Variants in OSBPL8 observed in about 807,000 individuals in gnomAD.
OSBPL8 encodes oxysterol binding protein like 8, also known as oxysterol-binding protein-related protein 8.
Under a neutral mutation model 125.5 loss-of-function variants are expected in OSBPL8, and 59 were observed. The ratio of observed to expected loss-of-function variants is 0.47; its 90% CI spans 0.38 to 0.58. OSBPL8 has a LOEUF of 0.58. Among genes scored for constraint, OSBPL8 ranks in the 20% least tolerant of loss-of-function variants. The pLI, the probability that OSBPL8 is intolerant of heterozygous loss-of-function variation, is 0.00. For missense variants in OSBPL8, 758 were observed against 1,047.8 expected, an observed-to-expected ratio of 0.72 and a Z score of 3.82; for synonymous variants, 330 against 338.9, an observed-to-expected ratio of 0.97 and a Z score of 0.29.
chr12:76,374,839 C>T (rs1339916796), intron 17 of OSBPL8, among the ~76,000 whole-genome samples: 1 of 152,100 alleles, frequency 6.6e-6, no homozygotes, highest in Non-Finnish European at 1.5e-5. Context: ...GTTATTAAGT[C>T]TGTGAGTTTT....
At chr12:76,523,267 G>A (rs1950073292) in intron 1 of OSBPL8, among the ~76,000 whole-genome samples, 2 of 152,106 alleles carry the variant, frequency 1.3e-5, no homozygotes, top group South Asian at 4.2e-4. Flanking sequence ...AAGGAGAGTA[G>A]GGAAGGAAAG....
intron 4 of OSBPL8, among the ~76,000 whole-genome samples, chr12:76,415,615 A>G (rs1299280454): frequency 6.6e-6 from 1 of 152,164 alleles, no homozygotes; most frequent in African/African-American, 2.4e-5. Flanking sequence ...TTTAAGAACA[A>G]TTTCAGTAAA....
intron 1 of OSBPL8, among the ~76,000 whole-genome samples, chr12:76,539,290 C>A (rs1049264114): frequency 6.6e-6 from 1 of 151,942 alleles, no homozygotes; most frequent in Middle Eastern, 3.2e-3. Flanking sequence ...TTTAATAAAA[C>A]CCTATGCAGA....
chr12:76,483,433 G>A lies in OSBPL8; in HGVS notation c.42+4077C>T, dbSNP rs1047058695. On this transcript the variant is annotated intron_variant, in intron 2 of 23. Transcript: ENST00000261183. ...AAAAAAATTAGCCTGGTGTGGTGGC[G>A]TGCACCTGTAATCCCAGCTACTCGG... is the stretch of plus-strand genomic sequence containing the variant. Among the ~76,000 whole-genome samples the A allele has an allele frequency of 8.6e-5, 13 of 150,882 alleles. 1 individual carries two copies. The highest frequency in any genetic ancestry group is 3.0e-5 in the Non-Finnish European group (2 of 67,764).
chr12:76,538,628 A>AT (rs906890828), intron 1 of OSBPL8, among the ~76,000 whole-genome samples: 1 of 152,192 alleles, frequency 6.6e-6, no homozygotes, highest in African/African-American at 2.4e-5. Flanking sequence ...AAGGTAAGAA[A>AT]TTTGTCTATG....
rs188259056 is a variant in OSBPL8, at chr12:76,436,403, T to C, written c.217+14448A>G. Among the ~76,000 whole-genome samples the C allele has an allele frequency of 8.5e-3, 1,289 of 152,172 alleles. 18 individuals carry two copies. The highest frequency in any genetic ancestry group is 0.029 in the African/African-American group (1,205 of 41,536). ...TTAGCATGTACCCACAATCCTCTCA[T>C]ATGGTAAATAACATAAACCAGTGGT... On this transcript the variant is annotated intron_variant, in intron 4 of 23. Coordinates refer to ENST00000261183, the MANE Select transcript of OSBPL8 (RefSeq NM_020841.5).
At chr12:76,485,382 A>G (rs1040364469) in intron 2 of OSBPL8, among the ~76,000 whole-genome samples, 1 of 151,982 alleles carries the variant, frequency 6.6e-6, no homozygotes, top group African/African-American at 2.4e-5. Flanking sequence ...GACCATCCTG[A>G]CCAACATGGA....
intron 3 of OSBPL8, among the ~76,000 whole-genome samples, chr12:76,454,378 T>C (rs1873763309): frequency 1.3e-5 from 2 of 152,120 alleles, no homozygotes; most frequent in South Asian, 2.1e-4. Context: ...AACGACATGA[T>C]TGAATATTAA....
At chr12:76,383,647 GTTC>G (rs766733186) in intron 15 of OSBPL8, among the ~76,000 whole-genome samples, 3 of 151,740 alleles carry the variant, frequency 2.0e-5, no homozygotes, top group East Asian at 3.9e-4. Context: ...AAATTTAATT[GTTC>G]TTCTTCATTT....
chr12:76,475,092 A>G (rs1202971829), intron 2 of OSBPL8, among the ~76,000 whole-genome samples: 1 of 152,038 alleles, frequency 6.6e-6, no homozygotes, highest in Non-Finnish European at 1.5e-5. Context: ...AATCCTTCAC[A>G]TTTCTTTCTG....
chr12:76,440,136 C>T (rs1297801490), intron 4 of OSBPL8, among the ~76,000 whole-genome samples: 2 of 152,054 alleles, frequency 1.3e-5, no homozygotes, highest in Non-Finnish European at 2.9e-5. Flanking sequence ...TGTTGTCTTT[C>T]AAGAATTCTG....
chr12:76,462,952 A>C (rs1275661715), intron 2 of OSBPL8, among the ~76,000 whole-genome samples: 2 of 152,172 alleles, frequency 1.3e-5, no homozygotes, highest in East Asian at 3.9e-4. Flanking sequence ...CAGAGGGGTA[A>C]ACAGATGTCA....
chr12:76,419,295 C>A (rs1044680767), intron 4 of OSBPL8, among the ~76,000 whole-genome samples: 1 of 152,098 alleles, frequency 6.6e-6, no homozygotes, highest in Admixed American at 6.6e-5. Flanking sequence ...TTATAGTGTA[C>A]CTACCTGTTA....
intron 3 of OSBPL8, among the ~76,000 whole-genome samples, chr12:76,457,633 A>G (rs896210980): frequency 2.6e-5 from 4 of 152,176 alleles, no homozygotes; most frequent in East Asian, 1.9e-4. Context: ...GTCTCTAACA[A>G]ATGATTATAC....
chr12:76,358,816 AG>A lies in OSBPL8; in HGVS notation c.2329-6del, dbSNP rs1370795581. On this transcript the variant is annotated splice_polypyrimidine_tract_variant and splice_region_variant and intron_variant, in intron 21 of 23. Coordinates refer to ENST00000261183, the MANE Select transcript of OSBPL8 (RefSeq NM_020841.5). Reference sequence around the variant, plus strand: ...TTTCATTTTGGGGACGCTAACCTAAAGAAAAAAATAACTATTTTGTGAATTT... The same window carrying A: ...TTTCATTTTGGGGACGCTAACCTAAAAAAAAAATAACTATTTTGTGAATTT... The A allele has an allele frequency of 6.2e-7, 1 of 1,609,694 alleles. No homozygotes were observed. Among genetic ancestry groups the A allele is most frequent in the East Asian group, 2.2e-5 (1 of 44,836 alleles).
intron 2 of OSBPL8, among the ~76,000 whole-genome samples, chr12:76,479,248 G>A (rs947764518): frequency 6.6e-6 from 1 of 152,030 alleles, no homozygotes; most frequent in South Asian, 2.1e-4. Flanking sequence ...AGCTTAAGGG[G>A]ATGGATACCC....
intron 20 of OSBPL8, 148 bp from the exon 21 acceptor site, chr12:76,369,449 C>A: frequency 7.2e-7 from 1 of 1,393,288 alleles, no homozygotes. Flanking sequence ...AGATCCTCAA[C>A]TTATTTTATA....
At chr12:76,556,010 C>G (rs140573376) in intron 1 of OSBPL8, among the ~76,000 whole-genome samples, 192 of 152,318 alleles carry the variant, frequency 1.3e-3, no homozygotes, top group African/African-American at 4.5e-3. Context: ...AAACCTAACT[C>G]AAGAATCACC....
intron 21 of OSBPL8, among the ~76,000 whole-genome samples, chr12:76,359,255 A>G (rs568499558): frequency 6.6e-6 from 1 of 152,346 alleles, no homozygotes; most frequent in Admixed American, 6.5e-5. Flanking sequence ...TGTTAGAAAC[A>G]TTCCCACTGA....
Sources: allele counts gnomAD v4.1 joint callset (sites outside exome capture counted in the v4.1 genomes callset), GRCh38; gene constraint gnomAD v4.1.1; transcripts MANE v1.5; gene names NCBI Gene and HGNC (gene_info 2026-07-23, HGNC 2026-07-21).